The following STK24 variants were observed in gnomAD, a reference collection of about 807,000 sequenced individuals.
The protein encoded by STK24 is serine/threonine-protein kinase 24.
In STK24, 21 loss-of-function variants were observed where a neutral mutation model predicts 55.6. That is an observed-to-expected ratio of 0.38 (90% CI 0.27 to 0.54). The LOEUF is 0.54. Among genes scored for constraint, STK24 ranks in the 20% least tolerant of loss-of-function variants. The pLI, the probability that STK24 is intolerant of heterozygous loss-of-function variation, is 0.79. For missense variants in STK24, 383 were observed against 538.4 expected, an observed-to-expected ratio of 0.71 and a Z score of 2.86; for synonymous variants, 200 against 215.2, an observed-to-expected ratio of 0.93 and a Z score of 0.62.
chr13:98,491,232 CCTAAA>C (rs1180640575), intron 2 of STK24, among the ~76,000 whole-genome samples: 1 of 152,178 alleles, frequency 6.6e-6, no homozygotes, highest in African/African-American at 2.4e-5. Context: ...CTCTGCTGAC[CCTAAA>C]CTAATGTCCA....
chr13:98,456,865 AATAATTAAGCTGC>A lies in STK24; in HGVS notation c.1259+290_1259+302del, dbSNP rs199773337. On this transcript the variant is annotated intron_variant, in intron 10 of 10. Transcript: ENST00000539966. ...GGCTAAGAACGATCATTCTCTGGCC[AATAATTAAGCTGC>A]ATAATTAAGAGGAAACAGGTATTTC... 2,298 of 484,046 alleles carry A rather than the reference AATAATTAAGCTGC, an allele frequency of 4.7e-3. 42 individuals are homozygous for A. Among genetic ancestry groups the A allele is most frequent in the East Asian group, 0.031 (828 of 26,500 alleles). 30.0% of individuals were successfully genotyped at this position (484,046 alleles called of 1,614,324 possible). A position where few individuals can be genotyped will look rare whatever the true frequency, so the allele number is the denominator to read the frequency against.
At position 98,452,248 on chromosome 13, in the gene STK24, A is replaced by G. The variant is rs1893235143; in HGVS notation, c.*925T>C. 2 of 152,312 alleles carry G rather than the reference A, an allele frequency of 1.3e-5. No homozygotes were observed. The highest frequency in any genetic ancestry group is 6.5e-5 in the Admixed American group (1 of 15,286). 9.4% of individuals were successfully genotyped at this position (152,312 alleles called of 1,614,324 possible). On this transcript the variant is annotated 3_prime_UTR_variant, in exon 11 of 11. Coordinates refer to ENST00000539966, the MANE Select transcript of STK24 (RefSeq NM_001032296.4). ...CAGAATCCACTACAAGGTGCAACAG[A>G]AAATCGTATTGGAAAGGACGGTACA...
At chr13:98,499,423 T>A (rs1228554133) in intron 2 of STK24, among the ~76,000 whole-genome samples, 3 of 151,848 alleles carry the variant, frequency 2.0e-5, no homozygotes, top group Admixed American at 6.6e-5. Flanking sequence ...CCACTTGGAG[T>A]GATTGCGTAT....
chr13:98,539,726 G>A (rs1173669151), intron 1 of STK24, among the ~76,000 whole-genome samples: 1 of 152,046 alleles, frequency 6.6e-6, no homozygotes, highest in East Asian at 1.9e-4. Context: ...CATTACAAAC[G>A]GCTGGAGGGA....
intron 2 of STK24, among the ~76,000 whole-genome samples, chr13:98,495,447 A>G (rs948438869): frequency 3.9e-5 from 6 of 152,278 alleles, no homozygotes; most frequent in Non-Finnish European, 8.8e-5. Context: ...CAGAATGTGC[A>G]TATTGAGACA....
rs1240653643 is a variant in STK24 at position 98,451,312 on chromosome 13, T to C, written c.*1861A>G. 6.6e-6 allele frequency: 1 copy of C among 152,092 alleles called. No individual in the cohort carries two copies. The highest frequency in any genetic ancestry group is 1.5e-5 in the Non-Finnish European group (1 of 68,022). The allele number at this position is 152,092 out of a possible 1,614,324, so 9.4% of individuals were successfully genotyped here. On this transcript the variant is annotated 3_prime_UTR_variant, in exon 11 of 11. Coordinates refer to ENST00000539966, the MANE Select transcript of STK24 (RefSeq NM_001032296.4). ...CCGCCGGCCTCACGTAAGGAAACAGTTCCCCACACAGAATACTCCCTGGAA... is the reference window on the plus strand; with the variant it reads ...CCGCCGGCCTCACGTAAGGAAACAGCTCCCCACACAGAATACTCCCTGGAA...
At chr13:98,514,703 G>A (rs1241316160) in intron 2 of STK24, among the ~76,000 whole-genome samples, 4 of 152,120 alleles carry the variant, frequency 2.6e-5, no homozygotes, top group African/African-American at 4.8e-5. Context: ...TTAAGACCTC[G>A]CACCTGATTT....
At chr13:98,542,202 C>T (rs4772095) in intron 1 of STK24, among the ~76,000 whole-genome samples, 76,262 of 152,018 alleles carry the variant, frequency 0.5, 19,262 homozygotes, top group East Asian at 0.52. Flanking sequence ...CTCCACCGAC[C>T]CTAGCGCTGA....
intron 7 of STK24, among the ~76,000 whole-genome samples, chr13:98,463,171 G>A (rs1172201832): frequency 1.3e-5 from 2 of 151,892 alleles, no homozygotes; most frequent in Non-Finnish European, 2.9e-5. Context: ...AAGTCTGCCC[G>A]ACCACCTCCC....
At chr13:98,462,031 C>G (rs1054917983) in intron 7 of STK24, 134 bp from the exon 8 acceptor site, 1 of 1,080,872 alleles carries the variant, frequency 9.3e-7, no homozygotes, top group Non-Finnish European at 1.3e-6. Flanking sequence ...CCATCACACC[C>G]TTGTCCAGTC....
At chr13:98,520,261 C>T (rs76843469) in intron 1 of STK24, among the ~76,000 whole-genome samples, 2 of 152,278 alleles carry the variant, frequency 1.3e-5, no homozygotes, top group African/African-American at 4.8e-5. Context: ...GAAGCAATCC[C>T]GATGTTTAGC....
chr13:98,447,141 G>C lies in STK24; in HGVS notation c.*6032C>G. On this transcript the variant is annotated 3_prime_UTR_variant, in exon 11 of 11. Transcript: ENST00000539966. ...CCTACATGGTGTAATGGCAGGGACTGCAGACTTCATTTAGCCAAGAAAGAA... is the reference window on the plus strand; with the variant it reads ...CCTACATGGTGTAATGGCAGGGACTCCAGACTTCATTTAGCCAAGAAAGAA... 3 of 231,440 alleles carry C rather than the reference G, an allele frequency of 1.3e-5. No individual in the cohort carries two copies. The highest frequency in any genetic ancestry group is 7.8e-5 in the South Asian group (1 of 12,754). 14.3% of individuals were successfully genotyped at this position (231,440 alleles called of 1,614,324 possible). A position where few individuals can be genotyped will look rare whatever the true frequency, so the allele number is the denominator to read the frequency against.
rs1299210111 is a variant in STK24 at position 98,492,072 on chromosome 13, TGC to T, written c.274-9753_274-9752del. Among the ~76,000 whole-genome samples the T allele has an allele frequency of 2.8e-3, 175 of 63,436 alleles. 1 individual carries two copies. Among genetic ancestry groups the T allele is most frequent in the African/African-American group, 9.8e-3 (162 of 16,566 alleles). The allele number at this position is 63,436 out of a possible 152,430, so 41.6% of individuals were successfully genotyped here. A position where few individuals can be genotyped will look rare whatever the true frequency, so the allele number is the denominator to read the frequency against. On this transcript the variant is annotated intron_variant, in intron 2 of 10. Transcript: ENST00000539966. ...ATCAATTCACCTCCTTTAAAGTGCG[TGC>T]GCGTGTGTGTGTGTGTGTGTGTGTG...
intron 2 of STK24, among the ~76,000 whole-genome samples, chr13:98,495,283 A>G (rs1895207866): frequency 6.6e-6 from 1 of 152,200 alleles, no homozygotes; most frequent in South Asian, 2.1e-4. Context: ...TTTATTCCAT[A>G]ATCTAATTAA....
chr13:98,465,345 C>A (rs1200476694), intron 6 of STK24, among the ~76,000 whole-genome samples: 3 of 152,238 alleles, frequency 2.0e-5, no homozygotes, highest in Non-Finnish European at 4.4e-5. Flanking sequence ...TCAGCCAGCT[C>A]CTCGGTAGCT....
intron 1 of STK24, among the ~76,000 whole-genome samples, chr13:98,551,757 G>A (rs147402671): frequency 2.7e-4 from 41 of 152,290 alleles, no homozygotes; most frequent in African/African-American, 9.4e-4. Context: ...ATGTCTGCCC[G>A]AAGCTGGCCT....
intron 1 of STK24, among the ~76,000 whole-genome samples, chr13:98,555,665 A>C (rs543838583): frequency 2.4e-4 from 37 of 151,222 alleles, no homozygotes; most frequent in African/African-American, 8.8e-4. Context: ...CGTCCTACAC[A>C]TATCAGCCTC....
intron 2 of STK24, among the ~76,000 whole-genome samples, chr13:98,482,955 C>T (rs778060452): frequency 6.6e-6 from 1 of 152,260 alleles, no homozygotes; most frequent in Non-Finnish European, 1.5e-5. Context: ...ACATGCATGT[C>T]TGTGTCCTCT....
chr13:98,500,647 C>A (rs964876445), intron 2 of STK24, among the ~76,000 whole-genome samples: 33 of 141,034 alleles, frequency 2.3e-4, no homozygotes, highest in African/African-American at 8.7e-4. Context: ...CCGTGACCAT[C>A]GGCTCGCCAG....
Sources: gnomAD v4.1 joint callset for allele counts (sites outside exome capture counted in the v4.1 genomes callset) on GRCh38, gnomAD v4.1.1 for gene constraint, MANE v1.5 for transcripts, NCBI Gene and HGNC (gene_info 2026-07-23, HGNC 2026-07-21) for gene names.